PDE4D: variants seen among roughly 807,000 people sequenced by gnomAD.
PDE4D encodes the protein phosphodiesterase 4D.
Under a neutral mutation model 87.4 loss-of-function variants are expected in PDE4D, and 24 were observed. The observed-to-expected ratio is 0.27, with a 90% CI of 0.20 to 0.39. The LOEUF (loss-of-function observed/expected upper bound fraction) is 0.39, where lower values mean the gene tolerates loss of function less well. Among genes scored for constraint, PDE4D ranks in the 10% least tolerant of loss-of-function variants. The pLI is 1.00. For synonymous variants in PDE4D, 384 were observed against 383.2 expected (o/e 1.00, Z -0.02); for missense variants, 714 against 1,041.0 (o/e 0.69, Z 4.32).
intron 5 of PDE4D, among the ~76,000 whole-genome samples, chr5:59,087,142 C>T (rs997869099): frequency 6.6e-6 from 1 of 152,062 alleles, no homozygotes; most frequent in African/African-American, 2.4e-5. Flanking sequence ...AGCCAAAATG[C>T]AGGCACATTA....
At chr5:60,238,706 A>T (rs1746713437) in intron 1 of PDE4D, among the ~76,000 whole-genome samples, 1 of 151,950 alleles carries the variant, frequency 6.6e-6, no homozygotes, top group Non-Finnish European at 1.5e-5. Flanking sequence ...TTGAATTTTT[A>T]AATATTTATT....
intron 1 of PDE4D, among the ~76,000 whole-genome samples, chr5:59,669,347 G>A (rs188077961): frequency 6.6e-6 from 1 of 152,242 alleles, no homozygotes; most frequent in East Asian, 1.9e-4. Context: ...CCCGACCTCA[G>A]GTTATCTGTC....
At chr5:59,548,683 G>T (rs1817656506) in intron 1 of PDE4D, among the ~76,000 whole-genome samples, 1 of 152,052 alleles carries the variant, frequency 6.6e-6, no homozygotes. Context: ...AAAAACAGAT[G>T]GTCATGAAAG....
chr5:59,362,321 T>C (rs554306240), intron 1 of PDE4D, among the ~76,000 whole-genome samples: 4 of 152,300 alleles, frequency 2.6e-5, no homozygotes, highest in Admixed American at 2.6e-4. Flanking sequence ...CATACCACTT[T>C]ATCAGTTTCA....
chr5:59,500,442 T>C (rs1456819221), intron 1 of PDE4D, among the ~76,000 whole-genome samples: 2 of 152,218 alleles, frequency 1.3e-5, no homozygotes, highest in African/African-American at 2.4e-5. Flanking sequence ...GATGAAATCA[T>C]GTTCCTTGCA....
At chr5:59,948,227 T>C (rs1757916473) in intron 3 of PDE4D, among the ~76,000 whole-genome samples, 1 of 152,226 alleles carries the variant, frequency 6.6e-6, no homozygotes, top group Admixed American at 6.5e-5. Flanking sequence ...AGGTTTTCCC[T>C]ATGGATACTT....
intron 1 of PDE4D, among the ~76,000 whole-genome samples, chr5:59,368,784 G>T (rs1471939827): frequency 2.6e-5 from 4 of 152,180 alleles, no homozygotes; most frequent in Non-Finnish European, 5.9e-5. Flanking sequence ...ACTTCACTTT[G>T]CCTGTCAGTG....
chr5:59,358,823 C>T (rs1224169148), intron 1 of PDE4D, among the ~76,000 whole-genome samples: 2 of 152,122 alleles, frequency 1.3e-5, no homozygotes, highest in East Asian at 3.9e-4. Flanking sequence ...CCAGGCAACA[C>T]AAAGCTCTCA....
chr5:60,095,809 T>C (rs12516070), intron 2 of PDE4D, among the ~76,000 whole-genome samples: 61,209 of 152,036 alleles, frequency 0.4, 14,535 homozygotes, highest in Non-Finnish European at 0.52. Flanking sequence ...TGGTATCTCA[T>C]TGTGGTTTTG....
rs142692523 is a variant in PDE4D, at chr5:60,517,920, G to T, written n.70+4131C>A. ...TGCAGGTGAGAAGAGGGAGAGAAGAGAGAAGAAGAGAGGAACTGCAGCCCT... is the reference window on the plus strand; with the variant it reads ...TGCAGGTGAGAAGAGGGAGAGAAGATAGAAGAAGAGAGGAACTGCAGCCCT... On this transcript the variant is annotated intron_variant and non_coding_transcript_variant, in intron 1 of 2. Coordinates refer to the PDE4D transcript ENST00000506510. Among the ~76,000 whole-genome samples the T allele has an allele frequency of 6.8e-3, 1,030 of 152,342 alleles. 11 individuals carry two copies. The highest frequency in any genetic ancestry group is 0.014 in the Middle Eastern group (4 of 294).
chr5:60,335,189 C>T (rs1340013663), intron 1 of PDE4D: 1 of 152,208 alleles, frequency 6.6e-6, no homozygotes, highest in Non-Finnish European at 1.5e-5. Context: ...ATTTGAACCA[C>T]TAATACGCTA....
chr5:59,313,167 T>C (rs1270159709), intron 1 of PDE4D, among the ~76,000 whole-genome samples: 1 of 152,122 alleles, frequency 6.6e-6, no homozygotes, highest in Non-Finnish European at 1.5e-5. Flanking sequence ...GTGCTATAAA[T>C]ATCCTTTTAA....
intron 1 of PDE4D, among the ~76,000 whole-genome samples, chr5:60,520,095 A>G (rs542726512): frequency 6.6e-6 from 1 of 152,342 alleles, no homozygotes; most frequent in Admixed American, 6.5e-5. Flanking sequence ...TCAAATTACA[A>G]TGTACCTTCA....
intron 6 of PDE4D, among the ~76,000 whole-genome samples, chr5:59,020,348 C>A (rs371932124): frequency 1.2e-4 from 18 of 152,146 alleles, no homozygotes; most frequent in East Asian, 1.2e-3. Flanking sequence ...GGTCATGCAC[C>A]TGTTATACCC....
chr5:59,519,101 C>T (rs936769174), intron 1 of PDE4D, among the ~76,000 whole-genome samples: 1 of 152,144 alleles, frequency 6.6e-6, no homozygotes, highest in Non-Finnish European at 1.5e-5. Context: ...TTTCAACTTT[C>T]CTCTTTCTCT....
chr5:59,202,033 ATTTTT>A lies in PDE4D; in HGVS notation c.648-8502_648-8498del, dbSNP rs10641798. On this transcript the variant is annotated intron_variant, in intron 2 of 14. Coordinates refer to ENST00000340635, the MANE Select transcript of PDE4D (RefSeq NM_001104631.2). ...ATGCAGCTTTTCTGGTGTTTTGATCATTTTTTTTTTTTTTTTTTTTTCTGAGATGG... is the reference window on the plus strand; with the variant it reads ...ATGCAGCTTTTCTGGTGTTTTGATCATTTTTTTTTTTTTTTTCTGAGATGG... Among the ~76,000 whole-genome samples the A allele has an allele frequency of 9.4e-5, 9 of 95,258 alleles. No individual in the cohort carries two copies. In the East Asian group the frequency reaches 1.5e-3, roughly 16 times the overall value. 62.5% of individuals were successfully genotyped at this position (95,258 alleles called of 152,430 possible).
At chr5:59,157,559 G>A (rs186106987) in intron 5 of PDE4D, among the ~76,000 whole-genome samples, 19 of 152,292 alleles carry the variant, frequency 1.2e-4, no homozygotes, top group African/African-American at 4.3e-4. Context: ...GACATTCAAT[G>A]AGGACAGAAA....
chr5:59,994,698 A>G (rs765830056), intron 2 of PDE4D, among the ~76,000 whole-genome samples: 1 of 152,172 alleles, frequency 6.6e-6, no homozygotes, highest in Non-Finnish European at 1.5e-5. Context: ...CATTATTTAC[A>G]TGAGAGACAC....
At chr5:59,414,768 G>T (rs961112331) in intron 1 of PDE4D, among the ~76,000 whole-genome samples, 1 of 152,264 alleles carries the variant, frequency 6.6e-6, no homozygotes, top group African/African-American at 2.4e-5. Flanking sequence ...TCTGTGTAGG[G>T]CTTAGAGCCC....
Sources: allele counts gnomAD v4.1 joint callset (sites outside exome capture counted in the v4.1 genomes callset), GRCh38; gene constraint gnomAD v4.1.1; transcripts MANE v1.5; gene names NCBI Gene and HGNC (gene_info 2026-07-23, HGNC 2026-07-21).